LRP1B: variants seen among roughly 807,000 people sequenced by gnomAD.
LRP1B encodes the protein low-density lipoprotein receptor-related protein 1B.
Under a neutral mutation model 556.6 loss-of-function variants are expected in LRP1B, and 217 were observed. That is an observed-to-expected ratio of 0.39 (90% CI 0.35 to 0.44). The LOEUF (loss-of-function observed/expected upper bound fraction) is 0.44. Ranked by LOEUF, LRP1B falls within the 20% of genes least tolerant of loss-of-function variation. The pLI, the probability that LRP1B is intolerant of heterozygous loss-of-function variation, is 1.00. For synonymous variants in LRP1B, 2,047 were observed against 1,865.8 expected, an observed-to-expected ratio of 1.10 and a Z score of -2.50; for missense variants, 5,053 against 5,620.8, an observed-to-expected ratio of 0.90 and a Z score of 3.23.
chr2:140,414,324 C>T (rs541722160), intron 66 of LRP1B, among the ~76,000 whole-genome samples: 1 of 152,070 alleles, frequency 6.6e-6, no homozygotes, highest in Non-Finnish European at 1.5e-5. Context: ...TTAGTTTCAG[C>T]TTCCTGTAAT....
intron 1 of LRP1B, among the ~76,000 whole-genome samples, chr2:141,924,561 A>C (rs1700284640): frequency 6.6e-6 from 1 of 152,110 alleles, no homozygotes; most frequent in Admixed American, 6.5e-5. Context: ...GCAAGGTCAA[A>C]AGACTGAGGA....
intron 60 of LRP1B, among the ~76,000 whole-genome samples, chr2:140,463,810 C>T (rs547828406): frequency 6.6e-6 from 1 of 152,206 alleles, no homozygotes; most frequent in South Asian, 2.1e-4. Flanking sequence ...TGATATTGAT[C>T]AAATGTCCAA....
At chr2:140,859,376 G>A (rs1692718334) in intron 27 of LRP1B, among the ~76,000 whole-genome samples, 1 of 151,996 alleles carries the variant, frequency 6.6e-6, no homozygotes, top group Admixed American at 6.6e-5. Context: ...ATTAGTGAGG[G>A]AGTATCAATA....
chr2:140,644,658 C>A (rs1307265561), intron 41 of LRP1B, among the ~76,000 whole-genome samples: 1 of 152,022 alleles, frequency 6.6e-6, no homozygotes, highest in Non-Finnish European at 1.5e-5. Context: ...ATCCATCTGC[C>A]CACTTCAGCC....
intron 7 of LRP1B, among the ~76,000 whole-genome samples, chr2:141,137,567 T>C (rs959473297): frequency 1.3e-5 from 2 of 152,002 alleles, no homozygotes; most frequent in African/African-American, 4.8e-5. Flanking sequence ...AGTTAACATA[T>C]GCATTATCTC....
At chr2:141,001,178 T>A (rs1697411282) in intron 15 of LRP1B, among the ~76,000 whole-genome samples, 1 of 152,066 alleles carries the variant, frequency 6.6e-6, no homozygotes, top group Non-Finnish European at 1.5e-5. Context: ...CTCTGAGAGT[T>A]TGGCCTCTTG....
At chr2:140,551,605 T>G (rs1574071338) in intron 43 of LRP1B, among the ~76,000 whole-genome samples, 2 of 152,316 alleles carry the variant, frequency 1.3e-5, no homozygotes, top group East Asian at 1.9e-4. Flanking sequence ...TAAAGCAGGT[T>G]AATGTCATTA....
chr2:141,655,929 T>C (rs1050613828), intron 2 of LRP1B, among the ~76,000 whole-genome samples: 5 of 152,146 alleles, frequency 3.3e-5, no homozygotes, highest in Non-Finnish European at 7.4e-5. Context: ...TAAAAAAACA[T>C]TTTTTGATGA....
At chr2:141,308,459 A>G (rs2105444120) in intron 3 of LRP1B, among the ~76,000 whole-genome samples, 1 of 152,322 alleles carries the variant, frequency 6.6e-6, no homozygotes, top group South Asian at 2.1e-4. Context: ...TAGGTATATC[A>G]TGAATTTTCA....
At chr2:141,974,462 C>G (rs1009528911) in intron 1 of LRP1B, among the ~76,000 whole-genome samples, 2 of 151,994 alleles carry the variant, frequency 1.3e-5, no homozygotes, top group African/African-American at 4.8e-5. Context: ...AGACCTACAA[C>G]CTTTCGAGTT....
intron 7 of LRP1B, among the ~76,000 whole-genome samples, chr2:141,127,201 AC>A (rs1701237101): frequency 6.6e-6 from 1 of 152,164 alleles, no homozygotes; most frequent in South Asian, 2.1e-4. Flanking sequence ...ACCATCTTAC[AC>A]CAGTTAGAAT....
chr2:140,568,159 A>G (rs146528486), intron 43 of LRP1B, among the ~76,000 whole-genome samples: 170 of 151,374 alleles, frequency 1.1e-3, no homozygotes, highest in African/African-American at 3.9e-3. Flanking sequence ...TTGCCAGAAG[A>G]GAAATTCAAA....
chr2:141,267,259 T>C (rs966997149), intron 3 of LRP1B, among the ~76,000 whole-genome samples: 6 of 152,204 alleles, frequency 3.9e-5, no homozygotes, highest in Admixed American at 6.5e-5. Context: ...AAAGATATAG[T>C]TCTACTTGTG....
intron 20 of LRP1B, among the ~76,000 whole-genome samples, chr2:140,943,619 T>C (rs1695461759): frequency 6.6e-6 from 1 of 152,074 alleles, no homozygotes; most frequent in Non-Finnish European, 1.5e-5. Flanking sequence ...AGAGGAACTC[T>C]CAAAACCACC....
intron 35 of LRP1B, among the ~76,000 whole-genome samples, chr2:140,750,079 TACACACACACAC>T (rs59747381): frequency 0.47 from 70,927 of 150,394 alleles, 17,575 homozygotes; most frequent in Middle Eastern, 0.57. Context: ...TGTGCACACG[TACACACACACAC>T]ACACACACAC....
At chr2:140,712,542 C>G (rs1687069295) in intron 37 of LRP1B, among the ~76,000 whole-genome samples, 1 of 151,980 alleles carries the variant, frequency 6.6e-6, no homozygotes, top group Non-Finnish European at 1.5e-5. Context: ...CATCCTCTTT[C>G]TTCCAACCAG....
chr2:141,821,075 G>A (rs1696736262), intron 1 of LRP1B, among the ~76,000 whole-genome samples: 1 of 152,168 alleles, frequency 6.6e-6, no homozygotes, highest in Non-Finnish European at 1.5e-5. Context: ...TGAGAAGGGA[G>A]CCAAGCATCA....
intron 66 of LRP1B, among the ~76,000 whole-genome samples, chr2:140,408,380 A>T (rs1335781647): frequency 1.3e-5 from 2 of 152,028 alleles, no homozygotes; most frequent in East Asian, 3.9e-4. Context: ...GCCAATGCTG[A>T]TCATGTACTA....
chr2:141,187,958 G>C (rs1358130702), intron 7 of LRP1B, among the ~76,000 whole-genome samples: 2 of 151,918 alleles, frequency 1.3e-5, no homozygotes, highest in African/African-American at 4.8e-5. Flanking sequence ...TATTTTTAAT[G>C]TTTTACTAGT....
Sources: gnomAD v4.1 joint callset for allele counts (sites outside exome capture counted in the v4.1 genomes callset) on GRCh38, gnomAD v4.1.1 for gene constraint, MANE v1.5 for transcripts, NCBI Gene and HGNC (gene_info 2026-07-23, HGNC 2026-07-21) for gene names.